The following TMC1 variants were observed in gnomAD, a reference collection of about 807,000 sequenced individuals.
The protein encoded by TMC1 is transmembrane channel-like protein 1.
TMC1 carries 84 observed loss-of-function variants against 105.8 expected under a neutral mutation model. The ratio of observed to expected loss-of-function variants is 0.79; its 90% confidence interval spans 0.67 to 0.95. TMC1 has a LOEUF of 0.95. TMC1 is among the 40% of genes least tolerant of loss of function. TMC1 has a pLI of 0.00. For synonymous variants in TMC1, 315 were observed against 311.5 expected (o/e 1.01, Z -0.12); for missense variants, 817 against 914.1 (o/e 0.89, Z 1.37).
At chr9:72,829,277 C>T (rs891570834) in intron 21 of TMC1, among the ~76,000 whole-genome samples, 18 of 152,254 alleles carry the variant, frequency 1.2e-4, no homozygotes, top group African/African-American at 3.6e-4. Flanking sequence ...GGATGGCTTT[C>T]GGGTATCTAA....
chr9:72,776,222 A>G (rs1828003090), intron 13 of TMC1, among the ~76,000 whole-genome samples: 1 of 151,870 alleles, frequency 6.6e-6, no homozygotes, highest in Non-Finnish European at 1.5e-5. Flanking sequence ...ATTTTTGTCT[A>G]CATAGACTAT....
chr9:72,526,944 G>A (rs995876064), intron 1 of TMC1, among the ~76,000 whole-genome samples: 5 of 152,192 alleles, frequency 3.3e-5, no homozygotes, highest in African/African-American at 1.2e-4. Flanking sequence ...TGGGCCAGAG[G>A]TCCATTCAGG....
At chr9:72,805,997 C>T (rs545860258) in intron 18 of TMC1, among the ~76,000 whole-genome samples, 1 of 152,182 alleles carries the variant, frequency 6.6e-6, no homozygotes, top group East Asian at 1.9e-4. Context: ...CCCCACCTTT[C>T]CCGCCTTTCT....
chr9:72,691,064 G>A (rs1826459061), intron 6 of TMC1, among the ~76,000 whole-genome samples: 1 of 151,694 alleles, frequency 6.6e-6, no homozygotes, highest in South Asian at 2.1e-4. Flanking sequence ...TTTTCAATTT[G>A]GTAATTCTTT....
At chr9:72,615,548 T>A (rs1396077839) in intron 2 of TMC1, among the ~76,000 whole-genome samples, 2 of 152,196 alleles carry the variant, frequency 1.3e-5, no homozygotes, top group Non-Finnish European at 2.9e-5. Flanking sequence ...CATAACTGCT[T>A]CTGTAAAATG....
intron 17 of TMC1, among the ~76,000 whole-genome samples, chr9:72,801,205 A>G (rs559951640): frequency 3.9e-5 from 6 of 152,262 alleles, no homozygotes; most frequent in South Asian, 2.1e-4. Context: ...TTCATCCCCA[A>G]TGGATTTGAT....
intron 1 of TMC1, among the ~76,000 whole-genome samples, chr9:72,546,423 A>C (rs1283797097): frequency 6.6e-6 from 1 of 152,248 alleles, no homozygotes; most frequent in Non-Finnish European, 1.5e-5. Flanking sequence ...CTTTAGAGCA[A>C]GTACTCAGTT....
rs921409243 is a variant in TMC1, at chr9:72,821,167, T to A, written c.2003+86T>A. 2.5e-6 allele frequency: 4 copies of A among 1,591,836 alleles called. No individual in the cohort carries two copies. In the African/African-American group the frequency reaches 5.4e-5, roughly 21 times the overall value. On this transcript the variant is annotated intron_variant, in intron 20 of 23. Coordinates refer to ENST00000297784, the MANE Select transcript of TMC1 (RefSeq NM_138691.3). ...GGTCATTCATTGTATAAGCTATTTT[T>A]TCCCCCCAAACAATGACATTTTTGG...
chr9:72,619,402 T>C (rs2132126048), intron 3 of TMC1, among the ~76,000 whole-genome samples: 1 of 152,328 alleles, frequency 6.6e-6, no homozygotes, highest in Non-Finnish European at 1.5e-5. Context: ...GTTTACAATA[T>C]GCTGTAAAAC....
intron 1 of TMC1, among the ~76,000 whole-genome samples, chr9:72,536,106 G>A (rs192786315): frequency 6.6e-6 from 1 of 152,244 alleles, no homozygotes; most frequent in East Asian, 1.9e-4. Flanking sequence ...GTCCCTAAAA[G>A]TCTTAACTTG....
At chr9:72,595,085 C>T (rs552231610) in intron 2 of TMC1, among the ~76,000 whole-genome samples, 155 of 152,122 alleles carry the variant, frequency 1.0e-3, no homozygotes, top group Admixed American at 1.5e-3. Flanking sequence ...AGGCTAGTCT[C>T]GAACTCCTGA....
At chr9:72,831,085 G>A (rs554184980) in intron 23 of TMC1, among the ~76,000 whole-genome samples, 2 of 152,232 alleles carry the variant, frequency 1.3e-5, no homozygotes, top group East Asian at 3.9e-4. Flanking sequence ...AGGGTCCTCT[G>A]GGCTTTCCAC....
intron 8 of TMC1, among the ~76,000 whole-genome samples, chr9:72,721,358 G>GCTTA (rs1827022410): frequency 6.6e-6 from 1 of 152,180 alleles, no homozygotes; most frequent in Admixed American, 6.5e-5. Context: ...GCCTTTGGAA[G>GCTTA]CTTAGGGCTG....
rs564802988 is a variant in TMC1 at position 72,817,659 on chromosome 9, C to A, written c.1763+1449C>A. 1.1e-3 allele frequency among the ~76,000 whole-genome samples: 174 copies of A among 152,272 alleles called. 1 individual carries two copies. The highest frequency in any genetic ancestry group is 4.0e-3 in the African/African-American group (166 of 41,554). ...TTGTGTTCTTTCAGAGTTAAGACAACAGATTGGTCTAGAAATTTGTTTTTA... is the reference window on the plus strand; with the variant it reads ...TTGTGTTCTTTCAGAGTTAAGACAAAAGATTGGTCTAGAAATTTGTTTTTA... On this transcript the variant is annotated intron_variant, in intron 19 of 23. Coordinates refer to ENST00000297784, the MANE Select transcript of TMC1 (RefSeq NM_138691.3).
At chr9:72,537,862 A>G (rs1190197963) in intron 1 of TMC1, among the ~76,000 whole-genome samples, 1 of 152,108 alleles carries the variant, frequency 6.6e-6, no homozygotes, top group Non-Finnish European at 1.5e-5. Context: ...GAGTTAAGAT[A>G]AAGAGGTTGG....
chr9:72,714,808 T>C (rs1010785697), intron 8 of TMC1, among the ~76,000 whole-genome samples: 2 of 152,242 alleles, frequency 1.3e-5, no homozygotes, highest in Non-Finnish European at 2.9e-5. Flanking sequence ...CCTGCCATTA[T>C]GATGCTGGAT....
At chr9:72,780,508 AG>A (rs1181516369) in intron 13 of TMC1, among the ~76,000 whole-genome samples, 2 of 152,220 alleles carry the variant, frequency 1.3e-5, no homozygotes, top group Non-Finnish European at 2.9e-5. Flanking sequence ...GTTGTCTTCA[AG>A]GGACCCATCT....
chr9:72,625,186 C>A (rs772334683), intron 3 of TMC1, among the ~76,000 whole-genome samples: 6 of 152,168 alleles, frequency 3.9e-5, no homozygotes, highest in Non-Finnish European at 8.8e-5. Flanking sequence ...GTTTGTTTCT[C>A]TGGAGACACT....
intron 12 of TMC1, among the ~76,000 whole-genome samples, chr9:72,761,209 T>A (rs2118088270): frequency 6.6e-6 from 1 of 152,092 alleles, no homozygotes; most frequent in South Asian, 2.1e-4. Flanking sequence ...TTTAAGTCAG[T>A]AGGAAGAGGA....
Sources: allele counts gnomAD v4.1 joint callset (sites outside exome capture counted in the v4.1 genomes callset), GRCh38; gene constraint gnomAD v4.1.1; transcripts MANE v1.5; gene names NCBI Gene and HGNC (gene_info 2026-07-23, HGNC 2026-07-21).